Variants in FHAD1 observed in about 807,000 individuals in gnomAD.
FHAD1 encodes forkhead-associated domain-containing protein 1.
In FHAD1, 146 loss-of-function variants were observed where a neutral mutation model predicts 191.3. The observed-to-expected ratio is 0.76, with a 90% confidence interval of 0.67 to 0.88. The LOEUF (loss-of-function observed/expected upper bound fraction) is 0.88. Ranked by LOEUF, FHAD1 falls within the 40% of genes least tolerant of loss-of-function variation. The pLI is 0.00. For synonymous variants in FHAD1, 616 were observed against 672.3 expected (o/e 0.92, Z 1.29); for missense variants, 1,635 against 1,785.8 (o/e 0.92, Z 1.52).
intron 14 of FHAD1, among the ~76,000 whole-genome samples, chr1:15,338,101 C>T (rs746336853): frequency 4.6e-5 from 7 of 152,162 alleles, no homozygotes; most frequent in African/African-American, 7.2e-5. Flanking sequence ...CAGCACTTCC[C>T]GGGAGGAGCA....
chr1:15,341,934 A>G, intron 16 of FHAD1, 46 bp downstream of exon 16: 1 of 1,523,456 alleles, frequency 6.6e-7, no homozygotes, highest in Non-Finnish European at 8.9e-7. Flanking sequence ...AACTGATGAA[A>G]TGGCCTTTTC....
At position 15,288,076 on chromosome 1, in the gene FHAD1, A is replaced by AAG. The variant is rs151298620; in HGVS notation, c.301-1309_301-1308dup. Among the ~76,000 whole-genome samples the AAG allele has an allele frequency of 4.0e-4, 61 of 151,550 alleles. No individual in the cohort carries two copies. The East Asian group carries it at 9.8e-3, about 24-fold the overall frequency. On this transcript the variant is annotated intron_variant, in intron 3 of 33. Coordinates refer to ENST00000688493, the MANE Select transcript of FHAD1 (RefSeq NM_001391957.1). ...GACAATTGGGAGACAGAGGAGGGGA[A>AAG]AGAGAGAGAGAGAGAAGAAGGAGAG...
chr1:15,267,893 TATA>T (rs1424884813), intron 2 of FHAD1, among the ~76,000 whole-genome samples: 1 of 147,792 alleles, frequency 6.8e-6, no homozygotes, highest in Non-Finnish European at 1.5e-5. Flanking sequence ...ATTGATATGA[TATA>T]AAAATATGGT....
At chr1:15,247,588 G>A (rs1646239049) in intron 1 of FHAD1, among the ~76,000 whole-genome samples, 193 bp downstream of exon 1, 1 of 150,060 alleles carries the variant, frequency 6.7e-6, no homozygotes, top group Non-Finnish European at 1.5e-5. Context: ...GCCCCACCCC[G>A]CCCGCGGAGG....
intron 18 of FHAD1, among the ~76,000 whole-genome samples, chr1:15,348,530 G>T (rs555019564): frequency 6.6e-6 from 1 of 152,328 alleles, no homozygotes; most frequent in East Asian, 1.9e-4. Flanking sequence ...AACATTGCTT[G>T]TCCCTTCTAG....
chr1:15,376,751 A>G (rs1356574836), intron 28 of FHAD1, among the ~76,000 whole-genome samples: 3 of 152,232 alleles, frequency 2.0e-5, no homozygotes, highest in African/African-American at 7.2e-5. Flanking sequence ...AATTATTTAA[A>G]TAGGCCAGGT....
chr1:15,381,229 A>G lies in FHAD1; in HGVS notation c.3802-2A>G. ...TCTTATGCGCGAACGTTTTCCTTGT[A>G]GTACCTGGATATGAGCAAAACCCTC... On this transcript the variant is annotated splice_acceptor_variant, in intron 29 of 33. Transcript: ENST00000688493. LOFTEE classifies it high-confidence loss of function. The surrounding 1 kb of genome is among the most constrained non-coding windows in gnomAD (Gnocchi z 4.6). The G allele has an allele frequency of 6.5e-7, 1 of 1,549,460 alleles. No homozygotes were observed. Among genetic ancestry groups the G allele is most frequent in the Non-Finnish European group, 8.7e-7 (1 of 1,145,174 alleles).
intron 33 of FHAD1, among the ~76,000 whole-genome samples, chr1:15,396,709 C>G (rs1706093030): frequency 6.6e-6 from 1 of 151,820 alleles, no homozygotes; most frequent in Non-Finnish European, 1.5e-5. Flanking sequence ...GCTTGGGAGG[C>G]TGAGGCAGGA....
chr1:15,360,933 G>T (rs1373149848), intron 22 of FHAD1, among the ~76,000 whole-genome samples: 1 of 152,218 alleles, frequency 6.6e-6, no homozygotes, highest in Non-Finnish European at 1.5e-5. Flanking sequence ...TGCCTACTCA[G>T]TGAGCCGGCG....
intron 10 of FHAD1, among the ~76,000 whole-genome samples, chr1:15,321,185 G>A (rs1371957228): frequency 6.6e-6 from 1 of 152,156 alleles, no homozygotes; most frequent in African/African-American, 2.4e-5. Context: ...GCCCACCTTG[G>A]CCTCCCAAAG....
intron 33 of FHAD1, among the ~76,000 whole-genome samples, chr1:15,395,728 G>A (rs1276468700): frequency 2.0e-5 from 3 of 152,096 alleles, no homozygotes; most frequent in East Asian, 3.9e-4. Context: ...TGTCCAACCC[G>A]CAGCCCAGGA....
At chr1:15,285,699 G>A (rs1012394944) in intron 3 of FHAD1, among the ~76,000 whole-genome samples, 3 of 152,142 alleles carry the variant, frequency 2.0e-5, no homozygotes, top group Admixed American at 1.3e-4. Context: ...TAGCCTCACA[G>A]TACTGAGCAG....
chr1:15,385,222 A>G (rs1051642237), intron 31 of FHAD1, among the ~76,000 whole-genome samples: 2 of 151,690 alleles, frequency 1.3e-5, no homozygotes. Flanking sequence ...GGGAACCTGT[A>G]TACATCTGTT....
At chr1:15,375,998 T>C (rs1699464872) in intron 28 of FHAD1, among the ~76,000 whole-genome samples, 3 of 151,986 alleles carry the variant, frequency 2.0e-5, no homozygotes, top group African/African-American at 4.8e-5. Flanking sequence ...CCTTTCCAGA[T>C]CATGTATGAT....
At chr1:15,281,728 T>G (rs525613) in intron 3 of FHAD1, among the ~76,000 whole-genome samples, 41,921 of 132,604 alleles carry the variant, frequency 0.32, 6,361 homozygotes, top group Middle Eastern at 0.41. Context: ...GCTACTGCAC[T>G]CCAGCCTGGG....
At position 15,301,420 on chromosome 1, in the gene FHAD1, G is replaced by A. The variant is rs1401117660; in HGVS notation, c.894G>A (p.Glu298=). The change falls in exon 6 of 34, where the codon GAG becomes GAA. Residue 298 remains glutamate, a synonymous_variant. Coordinates refer to ENST00000688493, the MANE Select transcript of FHAD1 (RefSeq NM_001391957.1). ...AAGACATCGATGCCAAACAGAAAGA[G>A]ATCCAGAGCTTGAAAAGCCAGGTAG... is the stretch of plus-strand genomic sequence containing the variant. ...LDEDIDAKQK[E]IQSLKSQISA... 6.4e-7 allele frequency: 1 copy of A among 1,551,638 alleles called. No homozygotes were observed. The highest frequency in any genetic ancestry group is 8.7e-7 in the Non-Finnish European group (1 of 1,147,036).
Position 15,365,925 on chromosome 1 carries a change from A to T in FHAD1, c.3146A>T (p.Asp1049Val), listed in dbSNP as rs1232699086. 2 of 1,550,122 alleles carry T rather than the reference A, an allele frequency of 1.3e-6. No individual in the cohort carries two copies. The highest frequency in any genetic ancestry group is 2.4e-5 in the South Asian group (2 of 84,024). Residue 1049 changes from aspartate (D) to valine (V), a missense_variant, in exon 24 of 34, where the codon GAT (aspartate) becomes GTT (valine). Transcript: ENST00000688493. ...ACCGAAGCCCACAGCAGAATGTCGGATTTGAGAGGTTTGAACAATTTCTGG... is the reference window on the plus strand; with the variant it reads ...ACCGAAGCCCACAGCAGAATGTCGGTTTTGAGAGGTTTGAACAATTTCTGG... ...DLTEAHSRMS[D>V]LRGELNEKQK...
chr1:15,328,047 AG>A (rs141279622), intron 12 of FHAD1: 34,931 of 233,786 alleles, frequency 0.15, 3,465 homozygotes, highest in South Asian at 0.24. Context: ...AAAAAAAAAA[AG>A]AAAAGAAAAA....
At chr1:15,261,972 G>GCACT (rs1378245289) in intron 2 of FHAD1, among the ~76,000 whole-genome samples, 1 of 152,088 alleles carries the variant, frequency 6.6e-6, no homozygotes, top group Non-Finnish European at 1.5e-5. Flanking sequence ...AATAGCTACT[G>GCACT]CACTCCAGCC....
Sources: allele counts gnomAD v4.1 joint callset (sites outside exome capture counted in the v4.1 genomes callset), GRCh38; gene constraint gnomAD v4.1.1; non-coding constraint Gnocchi (gnomAD v3.1); transcripts MANE v1.5; gene names NCBI Gene and HGNC (gene_info 2026-07-23, HGNC 2026-07-21).